CTNNA3: variants seen among roughly 807,000 people sequenced by gnomAD.
CTNNA3 encodes catenin alpha 3, also known as catenin alpha-3.
A neutral mutation model predicts 95.7 loss-of-function variants in CTNNA3; 76 were observed. That is an observed-to-expected ratio of 0.79 (90% confidence interval 0.66 to 0.96). The LOEUF (loss-of-function observed/expected upper bound fraction) is 0.96, where lower values mean the gene tolerates loss of function less well. Among genes scored for constraint, CTNNA3 ranks in the 40% least tolerant of loss-of-function variants. The probability of loss-of-function intolerance (pLI) is 0.00; values close to 1 mark genes in which losing one functional copy is unlikely to be tolerated. For missense variants in CTNNA3, 1,191 were observed against 1,089.8 expected, an observed-to-expected ratio of 1.09 and a Z score of -1.31; for synonymous variants, 431 against 374.4, an observed-to-expected ratio of 1.15 and a Z score of -1.74.
intron 10 of CTNNA3, among the ~76,000 whole-genome samples, chr10:66,608,315 G>A (rs766858470): frequency 1.1e-4 from 16 of 151,972 alleles, no homozygotes; most frequent in Non-Finnish European, 1.9e-4. Context: ...AACAAATGGC[G>A]AAACGTCCCA....
In CTNNA3 at chr10:66,620,115, A is replaced by G. The variant is rs767904776; in HGVS notation, c.1374+1577T>C. ...TAATACTTTACTCTTTTAACAACATAATGTGGGAAATATGTGACAAATTTG... is the reference window on the plus strand; with the variant it reads ...TAATACTTTACTCTTTTAACAACATGATGTGGGAAATATGTGACAAATTTG... On this transcript the variant is annotated intron_variant, in intron 10 of 17. Transcript: ENST00000433211. Among the ~76,000 whole-genome samples the G allele has an allele frequency of 2.0e-5, 3 of 152,174 alleles. No homozygotes were observed. The East Asian group carries it at 5.8e-4, about 29-fold the overall frequency.
At chr10:65,944,108 T>C (rs2077473691) in intron 17 of CTNNA3, among the ~76,000 whole-genome samples, 1 of 152,244 alleles carries the variant, frequency 6.6e-6, no homozygotes, top group Admixed American at 6.5e-5. Context: ...CTTTAAAGTC[T>C]GAAAGGTTGG....
intron 7 of CTNNA3, among the ~76,000 whole-genome samples, chr10:67,030,660 C>G (rs1480733092): frequency 1.3e-5 from 2 of 151,980 alleles, no homozygotes; most frequent in East Asian, 3.9e-4. Flanking sequence ...ATTATTATTT[C>G]TCCATAGAGA....
intron 15 of CTNNA3, among the ~76,000 whole-genome samples, chr10:66,042,104 C>T (rs770920091): frequency 1.3e-5 from 2 of 152,124 alleles, no homozygotes; most frequent in African/African-American, 2.4e-5. Flanking sequence ...CTTTTTGTCA[C>T]GCTGTCTCAC....
intron 10 of CTNNA3, among the ~76,000 whole-genome samples, chr10:66,523,406 T>A (rs573093996): frequency 2.0e-4 from 31 of 152,304 alleles, no homozygotes; most frequent in African/African-American, 6.7e-4. Flanking sequence ...TTTATCCTAC[T>A]TGACTCTTGT....
intron 11 of CTNNA3, among the ~76,000 whole-genome samples, chr10:66,462,389 A>G (rs1250496153): frequency 6.6e-6 from 1 of 152,100 alleles, no homozygotes; most frequent in Non-Finnish European, 1.5e-5. Flanking sequence ...ATGGATTTCA[A>G]TAACCTTTTT....
chr10:66,561,239 T>G (rs1463922437), intron 10 of CTNNA3, among the ~76,000 whole-genome samples: 1 of 152,094 alleles, frequency 6.6e-6, no homozygotes, highest in East Asian at 1.9e-4. Context: ...GTACTTCATC[T>G]TTAAAATTCT....
intron 7 of CTNNA3, among the ~76,000 whole-genome samples, chr10:66,828,059 A>T (rs1483009659): frequency 6.6e-6 from 1 of 152,246 alleles, no homozygotes; most frequent in Non-Finnish European, 1.5e-5. Context: ...AAGCAAAAGC[A>T]AATGAAAAAT....
intron 5 of CTNNA3, among the ~76,000 whole-genome samples, chr10:67,320,693 T>C (rs1206190362): frequency 6.6e-6 from 1 of 152,162 alleles, no homozygotes; most frequent in Non-Finnish European, 1.5e-5. Flanking sequence ...TAAATGTTAG[T>C]GAAATGAATA....
intron 11 of CTNNA3, among the ~76,000 whole-genome samples, chr10:66,468,038 A>T (rs1186306144): frequency 6.6e-6 from 1 of 152,046 alleles, no homozygotes; most frequent in African/African-American, 2.4e-5. Context: ...GACATTAATC[A>T]ACAAGCATTT....
At chr10:66,172,183 TGA>T (rs2085465749) in intron 13 of CTNNA3, among the ~76,000 whole-genome samples, 3 of 152,110 alleles carry the variant, frequency 2.0e-5, no homozygotes, top group Admixed American at 2.0e-4. Flanking sequence ...TATGACCAAA[TGA>T]GAGAGCAGCA....
At chr10:66,300,586 C>A (rs1237334870) in intron 12 of CTNNA3, among the ~76,000 whole-genome samples, 2 of 151,532 alleles carry the variant, frequency 1.3e-5, no homozygotes, top group Non-Finnish European at 2.9e-5. Context: ...GAGAAAGATA[C>A]TTCATCTGTG....
At chr10:65,936,314 A>G (rs2077337043) in intron 17 of CTNNA3, among the ~76,000 whole-genome samples, 2 of 152,224 alleles carry the variant, frequency 1.3e-5, no homozygotes, top group South Asian at 4.1e-4. Context: ...CAGTCAAATA[A>G]TTGTTTTGAA....
At chr10:67,052,095 C>T (rs776051839) in intron 7 of CTNNA3, among the ~76,000 whole-genome samples, 2 of 152,028 alleles carry the variant, frequency 1.3e-5, no homozygotes, top group Non-Finnish European at 2.9e-5. Flanking sequence ...TTGGAGGGGT[C>T]GTTGAGAGTC....
chr10:67,079,858 A>AACACACAC (rs199928311), intron 7 of CTNNA3, among the ~76,000 whole-genome samples: 22 of 141,360 alleles, frequency 1.6e-4, no homozygotes, highest in East Asian at 1.1e-3. Flanking sequence ...AAAAAAACAA[A>AACACACAC]ACACACACAC....
intron 11 of CTNNA3, among the ~76,000 whole-genome samples, chr10:66,405,874 C>T (rs1268240400): frequency 1.3e-5 from 2 of 152,156 alleles, no homozygotes; most frequent in Non-Finnish European, 2.9e-5. Flanking sequence ...ATATCAGTAA[C>T]AGGATTTGCC....
At chr10:66,639,282 A>C (rs1845438674) in intron 9 of CTNNA3, among the ~76,000 whole-genome samples, 1 of 152,188 alleles carries the variant, frequency 6.6e-6, no homozygotes, top group South Asian at 2.1e-4. Flanking sequence ...TTTTGAAAAA[A>C]ACATTTTATT....
At chr10:66,576,852 G>A (rs1843018700) in intron 10 of CTNNA3, among the ~76,000 whole-genome samples, 1 of 151,504 alleles carries the variant, frequency 6.6e-6, no homozygotes, top group African/African-American at 2.4e-5. Flanking sequence ...ATACCCAATA[G>A]TGGAATTGTT....
At chr10:66,647,955 A>G (rs1473227092) in intron 9 of CTNNA3, among the ~76,000 whole-genome samples, 2 of 152,190 alleles carry the variant, frequency 1.3e-5, no homozygotes, top group African/African-American at 4.8e-5. Context: ...GATTGTTTGG[A>G]GAGCTTAAGT....
Sources: allele counts gnomAD v4.1 joint callset (sites outside exome capture counted in the v4.1 genomes callset), GRCh38; gene constraint gnomAD v4.1.1; transcripts MANE v1.5; gene names NCBI Gene and HGNC (gene_info 2026-07-23, HGNC 2026-07-21).